ASH1L: variants seen among roughly 807,000 people sequenced by gnomAD.
ASH1L encodes ASH1 like histone lysine methyltransferase, also known as histone-lysine N-methyltransferase ASH1L.
ASH1L carries 23 observed loss-of-function variants against 269.0 expected under a neutral mutation model. That is an observed-to-expected ratio of 0.09 (90% CI 0.06 to 0.12). ASH1L has a LOEUF of 0.12. Ranked by LOEUF, ASH1L falls within the 10% of genes least tolerant of loss-of-function variation. ASH1L has a pLI of 1.00. For missense variants in ASH1L, 2,912 were observed against 3,567.8 expected, an observed-to-expected ratio of 0.82 and a Z score of 4.68; for synonymous variants, 1,187 against 1,253.5, an observed-to-expected ratio of 0.95 and a Z score of 1.12.
At chr1:155,355,407 A>G (rs993900768) in intron 15 of ASH1L, among the ~76,000 whole-genome samples, 1 of 152,204 alleles carries the variant, frequency 6.6e-6, no homozygotes, top group Non-Finnish European at 1.5e-5. Context: ...ATCCTATACA[A>G]TTTTGATGAT....
At chr1:155,433,412 C>T in intron 5 of ASH1L, 1 of 1,607,574 alleles carries the variant, frequency 6.2e-7, no homozygotes, top group African/African-American at 1.3e-5. Context: ...GTACTGTGGG[C>T]CTCAGGTTGG....
At chr1:155,458,613 A>G (rs1664040734) in intron 4 of ASH1L, among the ~76,000 whole-genome samples, 1 of 152,168 alleles carries the variant, frequency 6.6e-6, no homozygotes, top group African/African-American at 2.4e-5. Context: ...GCTACTCAGG[A>G]GGCTGAGGCA....
rs1162498832 is a variant in ASH1L at position 155,434,043 on chromosome 1, C to G, written c.5828+4284G>C. 3.1e-6 allele frequency: 5 copies of G among 1,591,442 alleles called. No homozygotes were observed. In the East Asian group the frequency reaches 6.8e-5, roughly 22 times the overall value. Reference sequence around the variant, plus strand: ...AACCGGTGCCAGAAAGGCAAGCAATCAAGCAGCGACTATGCATAACGAGAG... The same window carrying G: ...AACCGGTGCCAGAAAGGCAAGCAATGAAGCAGCGACTATGCATAACGAGAG... On this transcript the variant is annotated intron_variant, in intron 5 of 27. Coordinates refer to ENST00000392403, the MANE Select transcript of ASH1L (RefSeq NM_018489.3).
chr1:155,393,553 CTT>C (rs1658114142), intron 7 of ASH1L, among the ~76,000 whole-genome samples: 1 of 150,460 alleles, frequency 6.6e-6, no homozygotes, highest in Admixed American at 6.6e-5. Context: ...ATCCTTATTT[CTT>C]TTCTTTTTTT....
chr1:155,339,292 T>C (rs763833102), intron 26 of ASH1L, 36 bp downstream of exon 26: 7 of 1,598,040 alleles, frequency 4.4e-6, no homozygotes, highest in South Asian at 1.1e-5. Context: ...TCTTAGTCAA[T>C]CCCTTAGGAT....
chr1:155,377,404 T>C (rs1306259584), intron 10 of ASH1L, among the ~76,000 whole-genome samples: 3 of 152,114 alleles, frequency 2.0e-5, no homozygotes, highest in Non-Finnish European at 4.4e-5. Flanking sequence ...CAACCATATA[T>C]TGAGAGCTAG....
chr1:155,562,535 C>A lies in ASH1L; in HGVS notation c.-482G>T. Reference sequence around the variant, plus strand: ...CGCCCCCCTCAACCTTCCACTCCTTCCTCCTTGCGTTCTTTCCCACCGTCC... The same window carrying A: ...CGCCCCCCTCAACCTTCCACTCCTTACTCCTTGCGTTCTTTCCCACCGTCC... On this transcript the variant is annotated 5_prime_UTR_variant, in exon 1 of 28. Coordinates refer to ENST00000392403, the MANE Select transcript of ASH1L (RefSeq NM_018489.3). 1 of 1,524,692 alleles carries A rather than the reference C, an allele frequency of 6.6e-7. No homozygotes were observed. The highest frequency in any genetic ancestry group is 1.4e-5 in the African/African-American group (1 of 72,742). 94.4% of individuals were successfully genotyped at this position (1,524,692 alleles called of 1,614,324 possible).
intron 2 of ASH1L, among the ~76,000 whole-genome samples, chr1:155,495,058 G>A (rs1407971826): frequency 1.3e-5 from 2 of 152,138 alleles, no homozygotes; most frequent in African/African-American, 4.8e-5. Context: ...TTTGTTTGTT[G>A]GATTGGAGTC....
chr1:155,450,938 C>T (rs1663416038), intron 4 of ASH1L, among the ~76,000 whole-genome samples: 1 of 152,136 alleles, frequency 6.6e-6, no homozygotes, highest in African/African-American at 2.4e-5. Flanking sequence ...TGGCTCACAC[C>T]TGTAATCCCA....
chr1:155,467,880 G>A (rs1664804091), intron 3 of ASH1L, among the ~76,000 whole-genome samples: 1 of 152,104 alleles, frequency 6.6e-6, no homozygotes, highest in African/African-American at 2.4e-5. Context: ...AATAAATTCA[G>A]ATTTACATAA....
intron 8 of ASH1L, among the ~76,000 whole-genome samples, chr1:155,379,290 C>T (rs1036072840): frequency 6.6e-6 from 1 of 152,070 alleles, no homozygotes; most frequent in Non-Finnish European, 1.5e-5. Context: ...GAGACAAATA[C>T]CTAACATATT....
chr1:155,337,852 C>T, intron 27 of ASH1L, 101 bp from the exon 28 acceptor site: 2 of 1,251,688 alleles, frequency 1.6e-6, no homozygotes, highest in East Asian at 2.3e-5. Context: ...GATTCCTTTT[C>T]TGACCTATAA....
chr1:155,350,320 C>A (rs1270038110), intron 17 of ASH1L, among the ~76,000 whole-genome samples: 6 of 152,096 alleles, frequency 3.9e-5, no homozygotes, highest in Non-Finnish European at 7.4e-5. Flanking sequence ...CTGCGCCTGG[C>A]CAAAAATCCA....
chr1:155,563,028 G>A (rs1388518479), upstream of ASH1L: 1 of 458,610 alleles, frequency 2.2e-6, no homozygotes, highest in Non-Finnish European at 4.4e-6. Context: ...CTTGCCGTTT[G>A]ACTGGAATTG....
At chr1:155,466,667 G>C (rs1257270506) in intron 3 of ASH1L, among the ~76,000 whole-genome samples, 1 of 152,102 alleles carries the variant, frequency 6.6e-6, no homozygotes, top group Non-Finnish European at 1.5e-5. Flanking sequence ...AGTATTTTGG[G>C]TATCCATCAC....
chr1:155,450,274 G>A lies in ASH1L; in HGVS notation c.5086+9523C>T, dbSNP rs557917182. Among the ~76,000 whole-genome samples the A allele has an allele frequency of 3.9e-5, 6 of 152,284 alleles. No individual in the cohort carries two copies. The South Asian group carries it at 1.2e-3, about 32-fold the overall frequency. On this transcript the variant is annotated intron_variant, in intron 4 of 27. Coordinates refer to ENST00000392403, the MANE Select transcript of ASH1L (RefSeq NM_018489.3). ...TAATAATGTCCTTTAATATGTCTAT[G>A]TATGCTGTCAGTGTGTTTATCCTAC...
intron 5 of ASH1L, among the ~76,000 whole-genome samples, chr1:155,430,167 A>G (rs1037587670): frequency 2.6e-5 from 4 of 151,706 alleles, no homozygotes; most frequent in Non-Finnish European, 5.9e-5. Flanking sequence ...GTAGAGATGG[A>G]GTTTCCCTAT....
At chr1:155,510,411 C>CAAA (rs1161549080) in intron 2 of ASH1L, among the ~76,000 whole-genome samples, 13 of 40,924 alleles carry the variant, frequency 3.2e-4, no homozygotes, top group African/African-American at 4.0e-4. Context: ...AAGGCTGCCT[C>CAAA]AAAAAAAAAA....
chr1:155,425,277 GTTTTTT>G (rs550440576), intron 5 of ASH1L, among the ~76,000 whole-genome samples: 5 of 129,268 alleles, frequency 3.9e-5, no homozygotes, highest in Non-Finnish European at 6.7e-5. Context: ...GCCCGGCCTA[GTTTTTT>G]TTTTTTTTTT....
Sources: gnomAD v4.1 joint callset for allele counts (sites outside exome capture counted in the v4.1 genomes callset) on GRCh38, gnomAD v4.1.1 for gene constraint, MANE v1.5 for transcripts, NCBI Gene and HGNC (gene_info 2026-07-23, HGNC 2026-07-21) for gene names.